WDR70: variants seen among roughly 807,000 people sequenced by gnomAD.
The protein encoded by WDR70 is WD repeat domain 70.
In WDR70, 53 loss-of-function variants were observed where a neutral mutation model predicts 88.6. The ratio of observed to expected loss-of-function variants is 0.60; its 90% CI spans 0.48 to 0.75. The LOEUF is 0.75. Ranked by LOEUF, WDR70 falls within the 30% of genes least tolerant of loss-of-function variation. The probability of loss-of-function intolerance (pLI) is 0.00; values close to 1 mark genes in which losing one functional copy is unlikely to be tolerated. For missense variants in WDR70, 610 were observed against 823.2 expected, an observed-to-expected ratio of 0.74 and a Z score of 3.17; for synonymous variants, 280 against 270.0, an observed-to-expected ratio of 1.04 and a Z score of -0.36.
At chr5:37,674,633 C>T (rs1301128138) in intron 10 of WDR70, among the ~76,000 whole-genome samples, 12 of 152,170 alleles carry the variant, frequency 7.9e-5, no homozygotes, top group Admixed American at 5.2e-4. Flanking sequence ...AGTCTATCAT[C>T]GTTGGACGTT....
chr5:37,614,944 T>C (rs556441711), intron 10 of WDR70, among the ~76,000 whole-genome samples: 1 of 125,022 alleles, frequency 8.0e-6, no homozygotes, highest in South Asian at 2.1e-4. Flanking sequence ...AAGAGTATAA[T>C]TGATACTCTT....
chr5:37,402,943 C>CA (rs1561838923), intron 5 of WDR70, among the ~76,000 whole-genome samples: 2 of 41,734 alleles, frequency 4.8e-5, no homozygotes, highest in Non-Finnish European at 9.4e-5. Flanking sequence ...TCCCTCCCTC[C>CA]GTTTTTTTTT....
At chr5:37,489,955 T>C (rs935078623) in intron 8 of WDR70, among the ~76,000 whole-genome samples, 2 of 152,080 alleles carry the variant, frequency 1.3e-5, no homozygotes, top group East Asian at 3.9e-4. Context: ...TTCCCCCCAG[T>C]GTCAGGCATT....
At chr5:37,577,060 A>G (rs562207307) in intron 9 of WDR70, among the ~76,000 whole-genome samples, 12 of 152,288 alleles carry the variant, frequency 7.9e-5, no homozygotes, top group African/African-American at 2.9e-4. Flanking sequence ...TCAGATATTC[A>G]TTCAGTCATG....
intron 10 of WDR70, among the ~76,000 whole-genome samples, chr5:37,664,929 A>T (rs553599069): frequency 1.8e-4 from 28 of 152,242 alleles, no homozygotes; most frequent in Non-Finnish European, 4.1e-4. Flanking sequence ...ATGCTGTGTC[A>T]TACAGTTTCA....
chr5:37,483,780 C>A (rs947549343), intron 8 of WDR70, among the ~76,000 whole-genome samples: 2 of 150,608 alleles, frequency 1.3e-5, no homozygotes, highest in Non-Finnish European at 3.0e-5. Context: ...GGGCTGACCC[C>A]CCACCTCCCT....
chr5:37,442,296 C>T (rs1345105809), intron 6 of WDR70, among the ~76,000 whole-genome samples: 1 of 151,722 alleles, frequency 6.6e-6, no homozygotes, highest in Non-Finnish European at 1.5e-5. Context: ...CTTAGCCTCC[C>T]AAAGCGCTGG....
intron 7 of WDR70, among the ~76,000 whole-genome samples, chr5:37,445,273 G>A (rs1333270451): frequency 1.5e-5 from 2 of 130,870 alleles, no homozygotes; most frequent in Non-Finnish European, 3.2e-5. Flanking sequence ...ACTTGAGATA[G>A]GCAAGAACTT....
At chr5:37,705,684 A>T (rs529569211) in intron 13 of WDR70, among the ~76,000 whole-genome samples, 1 of 152,178 alleles carries the variant, frequency 6.6e-6, no homozygotes, top group Non-Finnish European at 1.5e-5. Context: ...AAAGGTGGAC[A>T]CTTTGCTAGA....
At chr5:37,382,979 C>T (rs1049841205) in intron 3 of WDR70, among the ~76,000 whole-genome samples, 3 of 151,478 alleles carry the variant, frequency 2.0e-5, no homozygotes, top group African/African-American at 7.3e-5. Context: ...CACCATTGCA[C>T]TCCAGCCTGG....
At chr5:37,590,567 T>A (rs1246180395) in intron 9 of WDR70, among the ~76,000 whole-genome samples, 1 of 152,180 alleles carries the variant, frequency 6.6e-6, no homozygotes, top group African/African-American at 2.4e-5. Flanking sequence ...GATGAGATCA[T>A]CCTGGATTAT....
chr5:37,504,865 C>G (rs774767340), intron 8 of WDR70, among the ~76,000 whole-genome samples: 6 of 152,156 alleles, frequency 3.9e-5, no homozygotes, highest in Non-Finnish European at 8.8e-5. Context: ...CAGCTAGTAT[C>G]CCTGCTCTTG....
At chr5:37,450,386 A>G (rs187751335) in intron 7 of WDR70, among the ~76,000 whole-genome samples, 2 of 152,322 alleles carry the variant, frequency 1.3e-5, no homozygotes, top group African/African-American at 4.8e-5. Context: ...TAGGAAATAC[A>G]TGCGTGTATA....
chr5:37,593,577 C>T (rs866989072), intron 9 of WDR70, among the ~76,000 whole-genome samples: 1 of 152,160 alleles, frequency 6.6e-6, no homozygotes, highest in African/African-American at 2.4e-5. Flanking sequence ...GGTTCCAAGT[C>T]TTTGCTATTG....
chr5:37,580,321 C>T (rs921776162), intron 9 of WDR70, among the ~76,000 whole-genome samples: 1 of 152,124 alleles, frequency 6.6e-6, no homozygotes. Flanking sequence ...CTTTGGTGTC[C>T]CATCTGCTTA....
chr5:37,520,900 G>A (rs994469973), intron 9 of WDR70, among the ~76,000 whole-genome samples: 8 of 152,194 alleles, frequency 5.3e-5, no homozygotes, highest in Non-Finnish European at 1.2e-4. Flanking sequence ...GACTTATGCA[G>A]GAGAGACTTT....
chr5:37,409,246 A>C (rs1443058124), intron 5 of WDR70, among the ~76,000 whole-genome samples: 1 of 151,524 alleles, frequency 6.6e-6, no homozygotes, highest in Non-Finnish European at 1.5e-5. Flanking sequence ...GCTGAATTTC[A>C]TTTGAATTCT....
intron 10 of WDR70, among the ~76,000 whole-genome samples, chr5:37,608,919 C>G (rs555458781): frequency 2.0e-5 from 3 of 152,294 alleles, no homozygotes; most frequent in African/African-American, 7.2e-5. Flanking sequence ...GGATTGCTGT[C>G]TGTTCTACTC....
intron 9 of WDR70, among the ~76,000 whole-genome samples, chr5:37,602,857 A>G (rs1251495442): frequency 6.6e-6 from 1 of 152,072 alleles, no homozygotes; most frequent in Non-Finnish European, 1.5e-5. Flanking sequence ...TGCGCCTGTA[A>G]TGCCAGCTAC....
Sources: allele counts gnomAD v4.1 joint callset (sites outside exome capture counted in the v4.1 genomes callset), GRCh38; gene constraint gnomAD v4.1.1; transcripts MANE v1.5; gene names NCBI Gene and HGNC (gene_info 2026-07-23, HGNC 2026-07-21).